The following MAP3K20 variants were observed in gnomAD, a reference collection of about 807,000 sequenced individuals.
MAP3K20 encodes HCCS-4.
Under a neutral mutation model 85.7 loss-of-function variants are expected in MAP3K20, and 40 were observed. The ratio of observed to expected loss-of-function variants is 0.47; its 90% CI spans 0.36 to 0.61. The LOEUF (loss-of-function observed/expected upper bound fraction) is 0.61. Ranked by LOEUF, MAP3K20 falls within the 20% of genes least tolerant of loss-of-function variation. The pLI is 0.00. For missense variants in MAP3K20, 817 were observed against 961.7 expected, an observed-to-expected ratio of 0.85 and a Z score of 1.99; for synonymous variants, 325 against 327.7, an observed-to-expected ratio of 0.99 and a Z score of 0.09.
intron 2 of MAP3K20, among the ~76,000 whole-genome samples, chr2:173,093,129 G>A (rs778375740): frequency 1.3e-5 from 2 of 152,170 alleles, no homozygotes; most frequent in Admixed American, 6.5e-5. Context: ...AAGTTATGGC[G>A]AGGAGTTGAC....
chr2:173,261,514 C>T (rs1416973284), intron 18 of MAP3K20, among the ~76,000 whole-genome samples: 2 of 152,054 alleles, frequency 1.3e-5, no homozygotes, highest in Non-Finnish European at 2.9e-5. Flanking sequence ...GGTACGTAGA[C>T]CCGGTGGGAG....
At position 173,229,683 on chromosome 2, in the gene MAP3K20, A is replaced by G; in HGVS notation, c.988-6A>G. On this transcript the variant is annotated splice_region_variant and splice_polypyrimidine_tract_variant and intron_variant, in intron 11 of 19. Coordinates refer to ENST00000375213, the MANE Select transcript of MAP3K20 (RefSeq NM_016653.3). ...TTTTTTCATTTCATGCATATTTCCC[A>G]TGCAGCTGCTGCCTTCCTTTGAGAT... 2.5e-6 allele frequency: 4 copies of G among 1,613,960 alleles called. No individual in the cohort carries two copies. Among genetic ancestry groups the G allele is most frequent in the Non-Finnish European group, 2.5e-6 (3 of 1,179,982 alleles).
At chr2:173,236,301 AG>A (rs1684647252) in intron 14 of MAP3K20, among the ~76,000 whole-genome samples, 1 of 148,310 alleles carries the variant, frequency 6.7e-6, no homozygotes, top group Non-Finnish European at 1.5e-5. Flanking sequence ...AGGCAGGGAC[AG>A]GGGACAGGGG....
At chr2:173,210,042 T>TC (rs1439779867) in intron 10 of MAP3K20, 8 of 563,608 alleles carry the variant, frequency 1.4e-5, no homozygotes, top group Non-Finnish European at 2.5e-5. Context: ...GCTTGTTGCC[T>TC]TGTGTAAGTA....
chr2:173,236,034 G>A (rs1684639857), intron 14 of MAP3K20, among the ~76,000 whole-genome samples: 1 of 152,182 alleles, frequency 6.6e-6, no homozygotes, highest in Non-Finnish European at 1.5e-5. Context: ...GGGAGGTCAA[G>A]GTGGGCAACT....
In MAP3K20 at chr2:173,258,797, G is replaced by C; in HGVS notation, c.1458G>C (p.Glu486Asp). The change falls in exon 17 of 20, where the codon GAG becomes GAC. Residue 486 changes from glutamate (E) to aspartate (D), a missense_variant. Around this residue, in one of 4 missense-constraint regions of MAP3K20, gnomAD observed 454 missense variants for 476.9 expected, o/e 0.95. Transcript: ENST00000375213. ...TCAACACTAACCTACCTGATGCGGA[G>C]ATTTTAAAGATGACAAAGGTAGGGT... ...VTFNTNLPDA[E>D]ILKMTKPPFV... 2 of 1,606,386 alleles carry C rather than the reference G, an allele frequency of 1.2e-6. No homozygotes were observed. Among genetic ancestry groups the C allele is most frequent in the Non-Finnish European group, 1.7e-6 (2 of 1,173,854 alleles).
In MAP3K20 at chr2:173,079,552, T is replaced by C. The variant is rs781212193; in HGVS notation, c.-35+3550T>C. Among the ~76,000 whole-genome samples, 42 of 152,204 alleles carry C rather than the reference T, an allele frequency of 2.8e-4. 1 individual carries two copies. Among genetic ancestry groups the C allele is most frequent in the Non-Finnish European group, 5.9e-5 (4 of 68,040 alleles). On this transcript the variant is annotated intron_variant, in intron 1 of 19. Coordinates refer to ENST00000375213, the MANE Select transcript of MAP3K20 (RefSeq NM_016653.3). Reference sequence around the variant, plus strand: ...AAACTTTTTTTTAACTTTTTGAGTCTTTTGAAATAACACTTAGCTTAAAAC... The same window carrying C: ...AAACTTTTTTTTAACTTTTTGAGTCCTTTGAAATAACACTTAGCTTAAAAC...
intron 1 of MAP3K20, among the ~76,000 whole-genome samples, chr2:173,077,906 G>A (rs1310127278): frequency 6.6e-6 from 1 of 152,224 alleles, no homozygotes; most frequent in South Asian, 2.1e-4. Flanking sequence ...GTTGCACTGT[G>A]TATTTTAACT....
At chr2:173,105,263 G>A (rs999310922) in intron 2 of MAP3K20, among the ~76,000 whole-genome samples, 1 of 152,194 alleles carries the variant, frequency 6.6e-6, no homozygotes, top group Non-Finnish European at 1.5e-5. Flanking sequence ...GGTTGCAGTG[G>A]AGGCAGTGAG....
At chr2:173,098,278 T>C (rs556573742) in intron 2 of MAP3K20, among the ~76,000 whole-genome samples, 1 of 152,344 alleles carries the variant, frequency 6.6e-6, no homozygotes, top group Non-Finnish European at 1.5e-5. Flanking sequence ...TTGTTAACTA[T>C]ACCAGAGCTA....
Position 173,266,078 on chromosome 2 carries a change from G to C in MAP3K20, c.1731G>C (p.Leu577=). ...SSADCQWLDT[L]RMRQIASNTS... ...CTGATTGCCAGTGGTTAGATACTCT[G>C]AGGATGCGGCAGATTGCATCCAACA... The change falls in exon 20 of 20, where the codon CTG becomes CTC. Residue 577 remains leucine (L), a synonymous_variant. Transcript: ENST00000375213. 2 of 1,587,138 alleles carry C rather than the reference G, an allele frequency of 1.3e-6. No homozygotes were observed. The highest frequency in any genetic ancestry group is 1.7e-6 in the Non-Finnish European group (2 of 1,165,276).
At chr2:173,157,483 A>T (rs146356527) in intron 2 of MAP3K20, among the ~76,000 whole-genome samples, 18 of 152,342 alleles carry the variant, frequency 1.2e-4, no homozygotes, top group African/African-American at 4.3e-4. Flanking sequence ...GGAGTCTAAA[A>T]GATGTTAAAG....
intron 11 of MAP3K20, chr2:173,223,139 G>T (rs905452883): frequency 1.0e-6 from 1 of 985,268 alleles, no homozygotes; most frequent in African/African-American, 1.7e-5. Flanking sequence ...ATAATGATCA[G>T]TATGCTGTGC....
chr2:173,101,278 C>A (rs1216668876), intron 2 of MAP3K20, among the ~76,000 whole-genome samples: 1 of 152,140 alleles, frequency 6.6e-6, no homozygotes, highest in African/African-American at 2.4e-5. Context: ...AGCCCCTAAT[C>A]CTTCTTATGT....
At chr2:173,165,426 A>G (rs565541495) in intron 2 of MAP3K20, among the ~76,000 whole-genome samples, 50 of 151,998 alleles carry the variant, frequency 3.3e-4, no homozygotes, top group Non-Finnish European at 6.5e-4. Flanking sequence ...AAAAATGTAT[A>G]TATATTGTTG....
rs531858740 is a variant in MAP3K20 at position 173,090,796 on chromosome 2, G to C, written c.-34-202G>C. On this transcript the variant is annotated intron_variant, in intron 1 of 19. Transcript: ENST00000375213. Reference sequence around the variant, plus strand: ...TGGGCAGCTGTGTTTCAAAGTCTGGGCAGGTTGTTGTTGAATTTTGCGTGG... The same window carrying C: ...TGGGCAGCTGTGTTTCAAAGTCTGGCCAGGTTGTTGTTGAATTTTGCGTGG... 208 of 1,207,052 alleles carry C rather than the reference G, an allele frequency of 1.7e-4. 1 individual carries two copies. The South Asian group carries it at 3.3e-3, about 19-fold the overall frequency. 74.8% of individuals were successfully genotyped at this position (1,207,052 alleles called of 1,614,324 possible).
chr2:173,204,095 A>AT (rs1683583142), intron 9 of MAP3K20, among the ~76,000 whole-genome samples: 1 of 152,174 alleles, frequency 6.6e-6, no homozygotes, highest in Non-Finnish European at 1.5e-5. Flanking sequence ...GACATTCTGA[A>AT]TTCAGTATAA....
chr2:173,192,084 T>C (rs1229733472), intron 7 of MAP3K20, among the ~76,000 whole-genome samples: 1 of 105,692 alleles, frequency 9.5e-6, no homozygotes, highest in Non-Finnish European at 2.2e-5. Flanking sequence ...CTGCTATTTA[T>C]ACTATTATAC....
At chr2:173,109,849 A>G (rs1357996084) in intron 2 of MAP3K20, among the ~76,000 whole-genome samples, 3 of 152,184 alleles carry the variant, frequency 2.0e-5, no homozygotes, top group African/African-American at 4.8e-5. Flanking sequence ...ATTGTCTACA[A>G]TCATAAAATG....
Sources: allele counts gnomAD v4.1 joint callset (sites outside exome capture counted in the v4.1 genomes callset), GRCh38; gene constraint gnomAD v4.1.1; regional missense constraint gnomAD v4.1.1; transcripts MANE v1.5; gene names NCBI Gene and HGNC (gene_info 2026-07-23, HGNC 2026-07-21).